LPIN3: variants seen among roughly 807,000 people sequenced by gnomAD.
LPIN3 encodes the protein phosphatidate phosphatase LPIN3.
LPIN3 carries 82 observed loss-of-function variants against 94.7 expected under a neutral mutation model. The ratio of observed to expected loss-of-function variants is 0.87; its 90% CI spans 0.72 to 1.04. The LOEUF is 1.04. Among genes scored for constraint, LPIN3 ranks in the 50% least tolerant of loss-of-function variants. LPIN3 has a pLI of 0.00. For missense variants in LPIN3, 996 were observed against 1,090.5 expected (o/e 0.91, Z 1.22); for synonymous variants, 418 against 443.3 (o/e 0.94, Z 0.72).
chr20:41,350,118 C>T lies in LPIN3; in HGVS notation c.823C>T (p.Pro275Ser). 1.9e-6 allele frequency: 3 copies of T among 1,611,914 alleles called. No individual in the cohort carries two copies. Among genetic ancestry groups the T allele is most frequent in the South Asian group, 1.1e-5 (1 of 90,642 alleles). ...TGAAGGCAGAGCTGGGGCAACCTCT[C>T]CTCCTCGGGGAGGACCCAGCACTCC... is the stretch of plus-strand genomic sequence containing the variant. ...VLEGRAGATSPPRGGPSTPST... is the reference protein window; with the variant it reads ...VLEGRAGATSSPRGGPSTPST... The change falls in exon 7 of 20, where the codon CCT (proline) becomes TCT (serine). Residue 275 changes from proline (P) to serine (S), a missense_variant. Transcript: ENST00000373257.
chr20:41,347,236 GA>G (rs1252366830), intron 2 of LPIN3, among the ~76,000 whole-genome samples: 2 of 152,238 alleles, frequency 1.3e-5, no homozygotes, highest in Admixed American at 1.3e-4. Flanking sequence ...GTGAGAGACA[GA>G]GGGAAGAACT....
chr20:41,341,705 G>A (rs1481989670), intron 1 of LPIN3, among the ~76,000 whole-genome samples: 1 of 152,234 alleles, frequency 6.6e-6, no homozygotes, highest in Non-Finnish European at 1.5e-5. Flanking sequence ...AAACTCCGCT[G>A]GGCGCGGTGG....
chr20:41,348,206 G>C (rs2045856486), intron 3 of LPIN3, among the ~76,000 whole-genome samples: 1 of 152,230 alleles, frequency 6.6e-6, no homozygotes, highest in African/African-American at 2.4e-5. Flanking sequence ...GAAAGTTCCA[G>C]GCTGTTCTGG....
intron 15 of LPIN3, 74 bp from the exon 16 acceptor site, chr20:41,357,287 C>G (rs1242900627): frequency 6.3e-7 from 1 of 1,597,774 alleles, no homozygotes; most frequent in East Asian, 2.2e-5. Flanking sequence ...CCCTCCCTTC[C>G]TGGTGGGCCA....
rs8118245 is a variant in LPIN3, at chr20:41,352,265, C to G, written c.1363+45C>G. 3.7e-4 allele frequency: 601 copies of G among 1,605,746 alleles called. 1 individual carries two copies. The African/African-American group carries it at 6.7e-3, about 18-fold the overall frequency. ...AGCCCTTTTGAGGGCTGGTGCTGAG[C>G]CCAGAGGATGGGGAGGGCAGGGAAG... On this transcript the variant is annotated intron_variant, in intron 9 of 19. Coordinates refer to ENST00000373257, the MANE Select transcript of LPIN3 (RefSeq NM_022896.3).
chr20:41,348,777 A>G lies in LPIN3; in HGVS notation c.447A>G (p.Lys149=). Residue 149 remains lysine (K), a synonymous_variant, in exon 4 of 20, where the codon AAA becomes AAG. Coordinates refer to ENST00000373257, the MANE Select transcript of LPIN3 (RefSeq NM_022896.3). The part of the protein sequence containing the change: ...TGRRKRRRRR[K]PKQKEDAVAT... ...GGAGGAAGAGGCGTCGCAGGAGGAA[A>G]CCCAAGCAGAAAGAGGATGCAGTGG... 1 of 1,612,846 alleles carries G rather than the reference A, an allele frequency of 6.2e-7. No homozygotes were observed. The highest frequency in any genetic ancestry group is 8.5e-7 in the Non-Finnish European group (1 of 1,179,590).
In LPIN3 at chr20:41,347,673, TGCCCCGCCC is replaced by T. The variant is rs199869652; in HGVS notation, c.288+27_288+35del. On this transcript the variant is annotated intron_variant, in intron 3 of 19. Coordinates refer to ENST00000373257, the MANE Select transcript of LPIN3 (RefSeq NM_022896.3). ...GTGAGTCTGCCCTCCTAACAGCACC[TGCCCCGCCC>T]ACCCCTTTCCTGTGCCTCTTCTGGG... 566 of 1,584,900 alleles carry T rather than the reference TGCCCCGCCC, an allele frequency of 3.6e-4. 2 individuals carry two copies. The African/African-American group carries it at 6.8e-3, about 19-fold the overall frequency.
intron 13 of LPIN3, among the ~76,000 whole-genome samples, chr20:41,355,077 C>T (rs952124278): frequency 1.4e-4 from 21 of 151,962 alleles, no homozygotes; most frequent in African/African-American, 4.8e-4. Flanking sequence ...TGCAGTGGTA[C>T]GATCTTGGCT....
In LPIN3 at chr20:41,342,626, C is replaced by T. The variant is rs985358182; in HGVS notation, c.-9+1624C>T. On this transcript the variant is annotated intron_variant, in intron 1 of 19. Transcript: ENST00000373257. ...CCTAAGGGATAGGTGAAGACAGAGGCGGGCTCACAGAAGGCCCCCAAAATG... is the reference window on the plus strand; with the variant it reads ...CCTAAGGGATAGGTGAAGACAGAGGTGGGCTCACAGAAGGCCCCCAAAATG... Among the ~76,000 whole-genome samples, 8 of 151,980 alleles carry T rather than the reference C, an allele frequency of 5.3e-5. No individual in the cohort carries two copies. In the East Asian group the frequency reaches 5.8e-4, roughly 11 times the overall value.
rs2046337430 is a variant in LPIN3, at chr20:41,360,031, A to G, written c.*1165A>G. 6.6e-6 allele frequency: 1 copy of G among 152,644 alleles called. No homozygotes were observed. Among genetic ancestry groups the G allele is most frequent in the Non-Finnish European group, 1.5e-5 (1 of 68,058 alleles). The allele number at this position is 152,644 out of a possible 1,614,324, so 9.5% of individuals were successfully genotyped here. A position where few individuals can be genotyped will look rare whatever the true frequency, so the allele number is the denominator to read the frequency against. On this transcript the variant is annotated 3_prime_UTR_variant, in exon 20 of 20. Coordinates refer to ENST00000373257, the MANE Select transcript of LPIN3 (RefSeq NM_022896.3). ...ATAGTACCAGAGTGGAGGGCAGAAT[A>G]CCAAATGTCCAGGAACCAAAGGCAG...
intron 11 of LPIN3, 26 bp downstream of exon 11, chr20:41,352,893 T>G (rs1464899981): frequency 6.2e-7 from 1 of 1,612,420 alleles, no homozygotes; most frequent in Non-Finnish European, 8.5e-7. Context: ...CCACTGCCCC[T>G]GCTGGGGAAG....
In LPIN3 at chr20:41,348,636, C is replaced by A; in HGVS notation, c.306C>A (p.Gly102=). ...LESDDEHVPP[G]LCTSPIPWGG... is the part of the protein sequence containing the mutation. ...TTCCACAGGAACATGTGCCTCCCGG[C>A]CTGTGCACCTCACCCATCCCTTGGG... is the stretch of plus-strand genomic sequence containing the variant. The change falls in exon 4 of 20, where the codon GGC becomes GGA. Residue 102 remains glycine, a synonymous_variant. Coordinates refer to ENST00000373257, the MANE Select transcript of LPIN3 (RefSeq NM_022896.3). 1.2e-6 allele frequency: 2 copies of A among 1,611,708 alleles called. No homozygotes were observed. The highest frequency in any genetic ancestry group is 1.7e-6 in the Non-Finnish European group (2 of 1,178,428).
rs760363990 is a variant in LPIN3 at position 41,357,376 on chromosome 20, C to CTCA, written c.1968_1969insTCA (p.Gly656_His657insSer). 13 of 1,613,926 alleles carry CTCA rather than the reference C, an allele frequency of 8.1e-6. No homozygotes were observed. In the South Asian group the frequency reaches 1.4e-4, roughly 18 times the overall value. On this transcript the variant is annotated inframe_insertion, in exon 16 of 20. Transcript: ENST00000373257. ...CTCACTCTAGGTCAGATGCTCTGGG[C>CTCA]CATATCCTGCCCCAGCTGGGGAAAG...
chr20:41,351,670 A>G (rs1004156697), intron 7 of LPIN3, 151 bp from the exon 8 acceptor site: 10 of 639,048 alleles, frequency 1.6e-5, no homozygotes, highest in Non-Finnish European at 2.5e-5. Context: ...AGCAGCTAAT[A>G]TATCAGGCAG....
intron 9 of LPIN3, 22 bp downstream of exon 9, chr20:41,352,242 C>T: frequency 6.2e-7 from 1 of 1,613,198 alleles, no homozygotes; most frequent in Non-Finnish European, 8.5e-7. Flanking sequence ...CATGGCCAAG[C>T]CCTTTTGAGG....
In LPIN3 at chr20:41,349,134, C is replaced by T. The variant is rs2045903517; in HGVS notation, c.600C>T (p.Ile200=). The stretch of plus-strand genomic sequence containing the variant: ...AGTCTTCACTGCAGCCCAAAGACAT[C>T]TACCCCTACTCGGATGGCGAGTGGC... ...EEKSSLQPKD[I]YPYSDGEWPP... is the part of the protein sequence containing the mutation. Residue 200 remains isoleucine, a synonymous_variant, in exon 5 of 20, where the codon ATC becomes ATT. Transcript: ENST00000373257. 1 of 1,614,208 alleles carries T rather than the reference C, an allele frequency of 6.2e-7. No individual in the cohort carries two copies. The highest frequency in any genetic ancestry group is 1.1e-5 in the South Asian group (1 of 91,078).
intron 7 of LPIN3, 56 bp from the exon 8 acceptor site, chr20:41,351,765 T>C (rs2046023220): frequency 6.6e-7 from 1 of 1,524,946 alleles, no homozygotes; most frequent in Admixed American, 1.7e-5. Flanking sequence ...GGGCACTTAC[T>C]GTCCACACTG....
At chr20:41,357,763 C>A in intron 16 of LPIN3, 119 bp from the exon 17 acceptor site, 2 of 1,354,448 alleles carry the variant, frequency 1.5e-6, no homozygotes, top group Non-Finnish European at 2.0e-6. Flanking sequence ...CAAGTCCCCT[C>A]CCTGCAAAGG....
chr20:41,346,089 C>T, intron 2 of LPIN3, 94 bp downstream of exon 2: 1 of 1,297,014 alleles, frequency 7.7e-7, no homozygotes, highest in Non-Finnish European at 1.1e-6. Flanking sequence ...TGGGGCCTCC[C>T]TTAGGTGGGG....
Sources: gnomAD v4.1 joint callset for allele counts (sites outside exome capture counted in the v4.1 genomes callset) on GRCh38, gnomAD v4.1.1 for gene constraint, MANE v1.5 for transcripts, NCBI Gene and HGNC (gene_info 2026-07-23, HGNC 2026-07-21) for gene names.